The following PSME4 variants were observed in gnomAD, a reference collection of about 807,000 sequenced individuals.
The protein encoded by PSME4 is proteasome activator complex subunit 4.
A neutral mutation model predicts 253.9 loss-of-function variants in PSME4; 89 were observed. That is an observed-to-expected ratio of 0.35 (90% confidence interval 0.30 to 0.42). The LOEUF (loss-of-function observed/expected upper bound fraction) is 0.42. Ranked by LOEUF, PSME4 falls within the 10% of genes least tolerant of loss-of-function variation. PSME4 has a pLI of 1.00. For synonymous variants in PSME4, 851 were observed against 759.2 expected (o/e 1.12, Z -1.99); for missense variants, 2,014 against 2,195.2 (o/e 0.92, Z 1.65).
chr2:53,954,157 A>G (rs1186115129), intron 1 of PSME4, among the ~76,000 whole-genome samples: 1 of 151,854 alleles, frequency 6.6e-6, no homozygotes, highest in African/African-American at 2.4e-5. Flanking sequence ...GTGAAACCCC[A>G]TCTCTACTAA....
chr2:53,906,509 A>G (rs941909748), intron 26 of PSME4, 89 bp downstream of exon 26: 1 of 1,402,908 alleles, frequency 7.1e-7, no homozygotes, highest in Non-Finnish European at 9.3e-7. Flanking sequence ...GGGTGAAATT[A>G]TTTAAACTCT....
intron 1 of PSME4, among the ~76,000 whole-genome samples, chr2:53,964,161 TGA>T (rs1215136486): frequency 6.6e-6 from 1 of 152,140 alleles, no homozygotes; most frequent in Non-Finnish European, 1.5e-5. Flanking sequence ...AAGAAATTAC[TGA>T]GAGATCTCTG....
At chr2:53,935,345 C>T (rs942355590) in intron 7 of PSME4, among the ~76,000 whole-genome samples, 5 of 152,084 alleles carry the variant, frequency 3.3e-5, no homozygotes, top group Non-Finnish European at 7.3e-5. Flanking sequence ...CCAAACAACA[C>T]AGGAAGACAC....
intron 1 of PSME4, among the ~76,000 whole-genome samples, chr2:53,961,285 T>C (rs1670485668): frequency 6.6e-6 from 1 of 152,208 alleles, no homozygotes; most frequent in East Asian, 1.9e-4. Context: ...TACCATGCTC[T>C]CAGTTTGGTG....
At chr2:53,944,787 G>A (rs1003463761) in intron 3 of PSME4, among the ~76,000 whole-genome samples, 37 of 152,120 alleles carry the variant, frequency 2.4e-4, no homozygotes, top group African/African-American at 8.4e-4. Context: ...GAGGACAAAG[G>A]ATTTAACTGT....
At chr2:53,933,016 A>G (rs574487784) in intron 8 of PSME4, 20 of 406,976 alleles carry the variant, frequency 4.9e-5, no homozygotes, top group Middle Eastern at 7.0e-4. Context: ...CTGTCAACTT[A>G]GGATAACAAA....
Position 53,920,332 on chromosome 2 carries a change from C to T in PSME4, c.2281G>A (p.Asp761Asn). 5 of 1,612,230 alleles carry T rather than the reference C, an allele frequency of 3.1e-6. No homozygotes were observed. The South Asian group carries it at 5.5e-5, about 18-fold the overall frequency. The change falls in exon 19 of 47, where the codon GAC (aspartate) becomes AAC (asparagine). Residue 761 changes from aspartate to asparagine, a missense_variant. Coordinates refer to ENST00000404125, the MANE Select transcript of PSME4 (RefSeq NM_014614.3). ...FPIKDWGKPG[D>N]LWNLGIQWHV... ...CACTGGATTCCCAGATTCCACAAGT[C>T]CCCGGGTTTGCCCCAGTCCTAGAAG...
At chr2:53,952,580 T>A (rs888440786) in intron 1 of PSME4, among the ~76,000 whole-genome samples, 1 of 151,878 alleles carries the variant, frequency 6.6e-6, no homozygotes, top group Non-Finnish European at 1.5e-5. Flanking sequence ...GCCCCTGGAG[T>A]CATGCATTCA....
chr2:53,958,204 A>T (rs1670321114), intron 1 of PSME4, among the ~76,000 whole-genome samples: 1 of 149,400 alleles, frequency 6.7e-6, no homozygotes, highest in Admixed American at 6.7e-5. Flanking sequence ...AAAAAAAAAA[A>T]AATTAGCCGG....
At chr2:53,969,918 A>T (rs1170477886) in intron 1 of PSME4, among the ~76,000 whole-genome samples, 1 of 149,406 alleles carries the variant, frequency 6.7e-6, no homozygotes, top group African/African-American at 2.6e-5. Flanking sequence ...ACACAATCCA[A>T]AACAACACTG....
intron 20 of PSME4, among the ~76,000 whole-genome samples, chr2:53,917,748 T>C (rs374944750): frequency 2.0e-5 from 3 of 152,238 alleles, no homozygotes; most frequent in African/African-American, 7.2e-5. Flanking sequence ...GGTCAAGTTC[T>C]TACTGTATTA....
In PSME4 at chr2:53,888,741, T is replaced by C; in HGVS notation, c.4368A>G (p.Gly1456=). ...TTTACCATGCATCTACAAAGGATCC[T>C]CCTTCACCACTCAATGGTGATTCCA... ...LLLESPLSGE[G]GSFVDACRLY... Residue 1456 remains glycine (G), a synonymous_variant, in exon 38 of 47, where the codon GGA becomes GGG. Coordinates refer to ENST00000404125, the MANE Select transcript of PSME4 (RefSeq NM_014614.3). 18 of 1,611,600 alleles carry C rather than the reference T, an allele frequency of 1.1e-5. No homozygotes were observed. The highest frequency in any genetic ancestry group is 2.2e-5 in the East Asian group (1 of 44,862).
intron 40 of PSME4, among the ~76,000 whole-genome samples, chr2:53,886,437 G>A (rs1041774879): frequency 2.6e-5 from 4 of 152,174 alleles, no homozygotes; most frequent in South Asian, 2.1e-4. Context: ...CAAGAAATAC[G>A]AATGGCTAAT....
intron 18 of PSME4, 131 bp from the exon 19 acceptor site, chr2:53,920,481 A>T: frequency 1.1e-6 from 1 of 923,122 alleles, no homozygotes; most frequent in South Asian, 2.2e-5. Context: ...GTAGCAAATG[A>T]TATACAAAAA....
At chr2:53,891,504 A>G (rs1679903590) in intron 36 of PSME4, among the ~76,000 whole-genome samples, 1 of 152,124 alleles carries the variant, frequency 6.6e-6, no homozygotes, top group South Asian at 2.1e-4. Flanking sequence ...CCCCATAAAC[A>G]TGAACAGTTA....
chr2:53,866,920 G>A lies in PSME4; in HGVS notation c.5264-40C>T, dbSNP rs776641265. ...GCAACATTTGTGCAAATATATATAT[G>A]TCTCTAATGCACTTGTTACAGTGAG... On this transcript the variant is annotated intron_variant, in intron 44 of 46. Transcript: ENST00000404125. 4 of 1,589,232 alleles carry A rather than the reference G, an allele frequency of 2.5e-6. No individual in the cohort carries two copies. In the African/African-American group the frequency reaches 4.1e-5, roughly 16 times the overall value.
intron 1 of PSME4, among the ~76,000 whole-genome samples, chr2:53,949,820 A>G (rs1286014275): frequency 6.6e-6 from 1 of 152,234 alleles, no homozygotes; most frequent in Non-Finnish European, 1.5e-5. Context: ...ATGGTTAACA[A>G]TACTGTATTG....
intron 1 of PSME4, among the ~76,000 whole-genome samples, chr2:53,968,102 G>A (rs1416894444): frequency 6.6e-6 from 1 of 151,808 alleles, no homozygotes; most frequent in Non-Finnish European, 1.5e-5. Flanking sequence ...GTGAAACCCT[G>A]TCTCTACTAA....
chr2:53,916,876 G>C (rs188333632), intron 20 of PSME4, among the ~76,000 whole-genome samples: 12 of 151,874 alleles, frequency 7.9e-5, no homozygotes, highest in African/African-American at 2.9e-4. Flanking sequence ...AAAAGTCAAA[G>C]GAAGACGGAA....
Sources: gnomAD v4.1 joint callset for allele counts (sites outside exome capture counted in the v4.1 genomes callset) on GRCh38, gnomAD v4.1.1 for gene constraint, MANE v1.5 for transcripts, NCBI Gene and HGNC (gene_info 2026-07-23, HGNC 2026-07-21) for gene names.